The following GRM7 variants were observed in gnomAD, a reference collection of about 807,000 sequenced individuals.
The protein encoded by GRM7 is metabotropic glutamate receptor 7.
GRM7 carries 35 observed loss-of-function variants against 84.5 expected under a neutral mutation model. The ratio of observed to expected loss-of-function variants is 0.41; its 90% confidence interval spans 0.32 to 0.55. The LOEUF is 0.55. Among genes scored for constraint, GRM7 ranks in the 20% least tolerant of loss-of-function variants. The probability of loss-of-function intolerance (pLI) is 0.19; values close to 1 mark genes in which losing one functional copy is unlikely to be tolerated. For missense variants in GRM7, 1,003 were observed against 1,194.6 expected, an observed-to-expected ratio of 0.84 and a Z score of 2.36; for synonymous variants, 487 against 455.1, an observed-to-expected ratio of 1.07 and a Z score of -0.89.
intron 1 of GRM7, among the ~76,000 whole-genome samples, chr3:7,114,829 G>A (rs143137051): frequency 2.6e-5 from 4 of 152,200 alleles, no homozygotes; most frequent in East Asian, 1.9e-4. Context: ...GACCAGTTTC[G>A]TGGTGTTTTC....
intron 1 of GRM7, among the ~76,000 whole-genome samples, chr3:7,064,878 A>T (rs1051437565): frequency 1.3e-5 from 2 of 151,570 alleles, no homozygotes; most frequent in Admixed American, 1.3e-4. Context: ...GATTATGGCC[A>T]TTTTTGCAGG....
At chr3:7,712,638 CTTTTTTTTG>C (rs1436810737) in intron 9 of GRM7, among the ~76,000 whole-genome samples, 1 of 135,166 alleles carries the variant, frequency 7.4e-6, no homozygotes, top group African/African-American at 2.7e-5. Context: ...TTTCTTTGTT[CTTTTTTTTG>C]TTTGTTTGTT....
At chr3:7,718,916 T>C (rs1701848140) in intron 9 of GRM7, among the ~76,000 whole-genome samples, 1 of 152,210 alleles carries the variant, frequency 6.6e-6, no homozygotes, top group Non-Finnish European at 1.5e-5. Flanking sequence ...AGCTTAGAAG[T>C]CTCTTGAAGG....
At chr3:7,313,812 A>G (rs773876705) in intron 4 of GRM7, among the ~76,000 whole-genome samples, 4 of 152,152 alleles carry the variant, frequency 2.6e-5, no homozygotes, top group Non-Finnish European at 5.9e-5. Context: ...GAAAATATCC[A>G]TGCAAGAATT....
rs545283194 is a variant in GRM7, at chr3:6,876,999, G to T, written c.519+15092G>T. ...TCTTTTTGTAATGAAGTCTTTGTCT[G>T]ATTGCAAGCTTACAGGAGGTGAGGA... is the stretch of plus-strand genomic sequence containing the variant. On this transcript the variant is annotated intron_variant, in intron 1 of 9. Coordinates refer to ENST00000357716, the MANE Select transcript of GRM7 (RefSeq NM_000844.4). Among the ~76,000 whole-genome samples, 11 of 152,268 alleles carry T rather than the reference G, an allele frequency of 7.2e-5. No individual in the cohort carries two copies. The East Asian group carries it at 2.1e-3, about 29-fold the overall frequency.
At chr3:7,736,922 T>C (rs902347795) in intron 9 of GRM7, among the ~76,000 whole-genome samples, 3 of 152,178 alleles carry the variant, frequency 2.0e-5, no homozygotes, top group African/African-American at 7.2e-5. Context: ...GTATTTCTTA[T>C]CACTTAAAAT....
chr3:6,949,547 T>C (rs1047391976), intron 1 of GRM7, among the ~76,000 whole-genome samples: 45 of 152,004 alleles, frequency 3.0e-4, no homozygotes, highest in Non-Finnish European at 5.1e-4. Flanking sequence ...GAGTTGCTCT[T>C]CTCGAGGAGT....
intron 8 of GRM7, among the ~76,000 whole-genome samples, chr3:7,633,780 A>G (rs1305098083): frequency 6.6e-6 from 1 of 152,088 alleles, no homozygotes; most frequent in East Asian, 1.9e-4. Flanking sequence ...GTAATGTCTG[A>G]TTTGTCAACA....
At chr3:7,699,054 A>G (rs941262192) in intron 9 of GRM7, among the ~76,000 whole-genome samples, 1 of 152,194 alleles carries the variant, frequency 6.6e-6, no homozygotes, top group Non-Finnish European at 1.5e-5. Flanking sequence ...TGCAGACTTT[A>G]TAAAAATCTA....
At chr3:7,672,097 G>GA (rs1699940860) in intron 8 of GRM7, among the ~76,000 whole-genome samples, 1 of 151,594 alleles carries the variant, frequency 6.6e-6, no homozygotes, top group South Asian at 2.1e-4. Flanking sequence ...GAGGGAAACA[G>GA]TATTTTTTTT....
chr3:7,713,325 T>C (rs1425154389), intron 9 of GRM7, among the ~76,000 whole-genome samples: 1 of 151,656 alleles, frequency 6.6e-6, no homozygotes, highest in African/African-American at 2.4e-5. Flanking sequence ...TTAGTAGAGA[T>C]GGAGTTTGAC....
Position 7,288,478 on chromosome 3 carries a change from TG to T in GRM7, c.737-10205del, listed in dbSNP as rs375446142. On this transcript the variant is annotated intron_variant, in intron 2 of 9. Transcript: ENST00000357716. ...GATGAGGGTCATGTTTCTCAATTTT[TG>T]CCCTGGTCCTGCGTTTGGCTCTGTA... 8.5e-5 allele frequency among the ~76,000 whole-genome samples: 13 copies of T among 152,238 alleles called. No homozygotes were observed. In the East Asian group the frequency reaches 2.5e-3, roughly 29 times the overall value.
chr3:7,012,404 A>G (rs1212452705), intron 1 of GRM7, among the ~76,000 whole-genome samples: 1 of 152,254 alleles, frequency 6.6e-6, no homozygotes, highest in Non-Finnish European at 1.5e-5. Flanking sequence ...ATTTAAAAGC[A>G]GAAAATAGTA....
chr3:7,144,403 A>T (rs1694043473), intron 1 of GRM7, among the ~76,000 whole-genome samples: 1 of 152,222 alleles, frequency 6.6e-6, no homozygotes, highest in Non-Finnish European at 1.5e-5. Flanking sequence ...GGTACAAAAT[A>T]AAGAGTTGGA....
chr3:7,063,622 G>T (rs1417327594), intron 1 of GRM7, among the ~76,000 whole-genome samples: 1 of 151,492 alleles, frequency 6.6e-6, no homozygotes, highest in Non-Finnish European at 1.5e-5. Flanking sequence ...AAATAATTTG[G>T]CTAGGTTTAT....
At chr3:6,965,788 C>T (rs1036464516) in intron 1 of GRM7, among the ~76,000 whole-genome samples, 1 of 152,128 alleles carries the variant, frequency 6.6e-6, no homozygotes, top group Non-Finnish European at 1.5e-5. Context: ...TTTCAATGCT[C>T]TCTGGGGAGT....
At chr3:7,696,678 G>A (rs1340864276) in intron 9 of GRM7, among the ~76,000 whole-genome samples, 1 of 152,274 alleles carries the variant, frequency 6.6e-6, no homozygotes, top group African/African-American at 2.4e-5. Context: ...TCAAATTGAC[G>A]TGTCTTATTT....
At chr3:7,283,658 C>G (rs1699329915) in intron 2 of GRM7, among the ~76,000 whole-genome samples, 1 of 152,066 alleles carries the variant, frequency 6.6e-6, no homozygotes, top group Non-Finnish European at 1.5e-5. Context: ...AGGCATTATA[C>G]AGCACAAAAA....
intron 7 of GRM7, among the ~76,000 whole-genome samples, chr3:7,558,145 A>T (rs1693856293): frequency 6.6e-6 from 1 of 152,104 alleles, no homozygotes; most frequent in South Asian, 2.1e-4. Flanking sequence ...TATCTCTTGA[A>T]ATCTTATAAG....
Sources: gnomAD v4.1 joint callset for allele counts (sites outside exome capture counted in the v4.1 genomes callset) on GRCh38, gnomAD v4.1.1 for gene constraint, MANE v1.5 for transcripts, NCBI Gene and HGNC (gene_info 2026-07-23, HGNC 2026-07-21) for gene names.